Variants in PRKN observed in about 807,000 individuals in gnomAD.
PRKN encodes E3 ubiquitin-protein ligase parkin.
PRKN carries 56 observed loss-of-function variants against 59.5 expected under a neutral mutation model. The ratio of observed to expected loss-of-function variants is 0.94; its 90% CI spans 0.76 to 1.18. The LOEUF (loss-of-function observed/expected upper bound fraction) is 1.18. Among genes scored for constraint, PRKN ranks in the 50% most tolerant of loss-of-function variants. The pLI is 0.00. For missense variants in PRKN, 657 were observed against 596.4 expected (o/e 1.10, Z -1.06); for synonymous variants, 250 against 222.1 (o/e 1.13, Z -1.12).
intron 2 of PRKN, among the ~76,000 whole-genome samples, chr6:162,356,747 T>TTAAA (rs1784879530): frequency 2.7e-5 from 2 of 73,066 alleles, no homozygotes; most frequent in African/African-American, 9.9e-5. Flanking sequence ...TGATTATTAG[T>TTAAA]AAAAAAAAAA....
intron 6 of PRKN, among the ~76,000 whole-genome samples, chr6:161,820,357 C>T (rs1386476722): frequency 6.6e-6 from 1 of 151,460 alleles, no homozygotes; most frequent in Admixed American, 6.6e-5. Context: ...ACAGCAACTC[C>T]TAGTAATAAT....
chr6:161,900,229 T>C (rs1777836916), intron 6 of PRKN, among the ~76,000 whole-genome samples: 1 of 151,310 alleles, frequency 6.6e-6, no homozygotes, highest in Non-Finnish European at 1.5e-5. Context: ...TTTCTGGAAC[T>C]GATAGCATGT....
chr6:162,112,507 T>C (rs1043285909), intron 4 of PRKN, among the ~76,000 whole-genome samples: 49 of 152,170 alleles, frequency 3.2e-4, no homozygotes, highest in African/African-American at 1.0e-3. Flanking sequence ...CCCAACACAG[T>C]GTCTTCTAGA....
chr6:161,809,437 G>A (rs895139632), intron 6 of PRKN, among the ~76,000 whole-genome samples: 1 of 152,144 alleles, frequency 6.6e-6, no homozygotes, highest in Non-Finnish European at 1.5e-5. Flanking sequence ...ATGTTAGGGA[G>A]AAACTGGGTC....
intron 9 of PRKN, among the ~76,000 whole-genome samples, chr6:161,539,071 G>C (rs933106205): frequency 6.6e-6 from 1 of 152,158 alleles, no homozygotes; most frequent in African/African-American, 2.4e-5. Context: ...ACCCCCAAGG[G>C]GCACTAGCTG....
chr6:161,973,162 A>G (rs1780887916), intron 6 of PRKN, 140 bp downstream of exon 6: 8 of 686,202 alleles, frequency 1.2e-5, no homozygotes, highest in South Asian at 1.1e-4. Flanking sequence ...TAAAGCAGAC[A>G]CTCCCCAGGA....
intron 1 of PRKN, among the ~76,000 whole-genome samples, chr6:162,663,833 G>T (rs1439411395): frequency 6.6e-6 from 1 of 151,998 alleles, no homozygotes; most frequent in Non-Finnish European, 1.5e-5. Context: ...GGAGAATGTA[G>T]CTGAATTCAG....
At chr6:161,660,982 A>G (rs541034142) in intron 7 of PRKN, among the ~76,000 whole-genome samples, 7 of 152,088 alleles carry the variant, frequency 4.6e-5, no homozygotes, top group African/African-American at 1.7e-4. Context: ...TGCCTGTCTC[A>G]TGCCAGTATC....
chr6:162,224,429 T>A (rs967198097), intron 3 of PRKN, among the ~76,000 whole-genome samples: 1 of 152,114 alleles, frequency 6.6e-6, no homozygotes, highest in African/African-American at 2.4e-5. Flanking sequence ...ACCATGCAGG[T>A]CTGTGTAAGT....
rs561297017 is a variant in PRKN at position 162,687,288 on chromosome 6, C to T, written c.7+40374G>A. ...GCAAGCTCTGCCTCCTGGGTTCACG[C>T]CATTCTCCTGCCTCAGCCTCCCGAG... is the stretch of plus-strand genomic sequence containing the variant. On this transcript the variant is annotated intron_variant, in intron 1 of 11. Coordinates refer to ENST00000366898, the MANE Select transcript of PRKN (RefSeq NM_004562.3). Among the ~76,000 whole-genome samples, 4 of 151,560 alleles carry T rather than the reference C, an allele frequency of 2.6e-5. No individual in the cohort carries two copies. The East Asian group carries it at 5.9e-4, about 22-fold the overall frequency.
intron 5 of PRKN, among the ~76,000 whole-genome samples, chr6:162,016,971 T>G (rs1225949363): frequency 6.6e-6 from 1 of 152,070 alleles, no homozygotes; most frequent in Non-Finnish European, 1.5e-5. Flanking sequence ...ACACTTCCAC[T>G]CAGTCAACTG....
chr6:162,646,211 T>A (rs1778180014), intron 1 of PRKN, among the ~76,000 whole-genome samples: 1 of 151,578 alleles, frequency 6.6e-6, no homozygotes, highest in South Asian at 2.1e-4. Flanking sequence ...CCAGGTAAAA[T>A]CACACAAAGA....
At chr6:161,536,623 G>A (rs1779424278) in intron 9 of PRKN, among the ~76,000 whole-genome samples, 1 of 152,162 alleles carries the variant, frequency 6.6e-6, no homozygotes, top group African/African-American at 2.4e-5. Context: ...TACAGGGAAG[G>A]TGCATAGCCT....
chr6:162,695,390 G>A (rs1478158278), intron 1 of PRKN, among the ~76,000 whole-genome samples: 1 of 152,026 alleles, frequency 6.6e-6, no homozygotes, highest in Non-Finnish European at 1.5e-5. Flanking sequence ...TTTCAGGAAT[G>A]AAGGCTCATA....
At chr6:162,351,104 C>T (rs1269322029) in intron 2 of PRKN, among the ~76,000 whole-genome samples, 3 of 152,210 alleles carry the variant, frequency 2.0e-5, no homozygotes, top group Admixed American at 6.5e-5. Flanking sequence ...ATGGGAGGAT[C>T]ACTTGAGCCT....
intron 7 of PRKN, among the ~76,000 whole-genome samples, chr6:161,714,038 C>T (rs538502139): frequency 4.6e-5 from 7 of 152,278 alleles, no homozygotes; most frequent in African/African-American, 1.4e-4. Context: ...CATTAAACTT[C>T]TTTTTCTTTA....
intron 7 of PRKN, among the ~76,000 whole-genome samples, chr6:161,775,356 C>T (rs907025440): frequency 2.6e-5 from 4 of 152,024 alleles, no homozygotes; most frequent in African/African-American, 9.7e-5. Flanking sequence ...AATCCTCCCA[C>T]CTCAGCTTCC....
At chr6:162,612,066 G>C (rs532637989) in intron 1 of PRKN, among the ~76,000 whole-genome samples, 1 of 150,960 alleles carries the variant, frequency 6.6e-6, no homozygotes, top group Non-Finnish European at 1.5e-5. Flanking sequence ...GGTGGCGGGC[G>C]CCTGTAGTCC....
At chr6:162,217,530 G>A (rs915631950) in intron 3 of PRKN, among the ~76,000 whole-genome samples, 4 of 151,932 alleles carry the variant, frequency 2.6e-5, no homozygotes, top group Admixed American at 6.6e-5. Flanking sequence ...GATTACAGGC[G>A]TGTGCCACCA....
Sources: gnomAD v4.1 joint callset for allele counts (sites outside exome capture counted in the v4.1 genomes callset) on GRCh38, gnomAD v4.1.1 for gene constraint, MANE v1.5 for transcripts, NCBI Gene and HGNC (gene_info 2026-07-23, HGNC 2026-07-21) for gene names.